The following ERC1 variants were observed in gnomAD, a reference collection of about 807,000 sequenced individuals.
ERC1 encodes the protein ELKS/RAB6-interacting/CAST family member 1, also known as RAB6 interacting protein 2.
ERC1 carries 56 observed loss-of-function variants against 132.0 expected under a neutral mutation model. The observed-to-expected ratio is 0.42, with a 90% CI of 0.34 to 0.53. ERC1 has a LOEUF of 0.53. Among genes scored for constraint, ERC1 ranks in the 20% least tolerant of loss-of-function variants. ERC1 has a pLI of 0.03. For synonymous variants in ERC1, 478 were observed against 476.1 expected (o/e 1.00, Z -0.05); for missense variants, 1,202 against 1,349.9 (o/e 0.89, Z 1.72).
chr12:1,042,506 C>T (rs373423467), intron 2 of ERC1, among the ~76,000 whole-genome samples: 4 of 151,834 alleles, frequency 2.6e-5, no homozygotes, highest in African/African-American at 7.3e-5. Flanking sequence ...CCACTATGCT[C>T]ACCTAATTTT....
intron 1 of ERC1, among the ~76,000 whole-genome samples, chr12:999,915 T>G (rs1430702030): frequency 6.6e-6 from 1 of 152,124 alleles, no homozygotes; most frequent in Non-Finnish European, 1.5e-5. Context: ...TTTTTAAGAT[T>G]CCTTCCAATC....
chr12:1,485,063 G>T (rs111873593), intron 18 of ERC1, among the ~76,000 whole-genome samples: 10 of 144,572 alleles, frequency 6.9e-5, no homozygotes, highest in African/African-American at 2.6e-4. Flanking sequence ...TTTTGTTTTA[G>T]TTTTTTGTAG....
intron 16 of ERC1, chr12:1,380,482 G>T (rs10848469): frequency 0.41 from 61,714 of 152,108 alleles, 13,777 homozygotes; most frequent in African/African-American, 0.59. Flanking sequence ...TCTCCTTGAC[G>T]TGTACTCACA....
intron 13 of ERC1, among the ~76,000 whole-genome samples, chr12:1,255,140 C>T (rs934726524): frequency 6.6e-5 from 10 of 152,080 alleles, no homozygotes; most frequent in African/African-American, 2.4e-4. Context: ...GTTCTCCTCC[C>T]TGTGTCCATG....
At chr12:1,021,044 A>G (rs1966282706) in intron 1 of ERC1, among the ~76,000 whole-genome samples, 6 of 152,028 alleles carry the variant, frequency 3.9e-5, no homozygotes, top group Admixed American at 3.9e-4. Flanking sequence ...GGTTCAAGCG[A>G]TTCTTCTGCC....
Position 1,493,547 on chromosome 12 carries a change from AAATATAT to A in ERC1, c.*3319_*3325del, listed in dbSNP as rs1188331354. 1.7e-5 allele frequency: 1 copy of A among 60,492 alleles called. No individual in the cohort carries two copies. The highest frequency in any genetic ancestry group is 3.2e-5 in the Non-Finnish European group (1 of 30,796). The allele number at this position is 60,492 out of a possible 1,614,324, so 3.7% of individuals were successfully genotyped here. A position where few individuals can be genotyped will look rare whatever the true frequency, so the allele number is the denominator to read the frequency against. ...GACTCCATTTAAAAAAAAAAAAAAA[AAATATAT>A]ATATATATATATATATATATATATG... On this transcript the variant is annotated 3_prime_UTR_variant, in exon 19 of 19. Transcript: ENST00000360905.
chr12:1,369,596 G>T (rs73595982), intron 15 of ERC1, among the ~76,000 whole-genome samples: 3,495 of 152,254 alleles, frequency 0.023, 130 homozygotes, highest in African/African-American at 0.08. Context: ...TGAGCTTCCC[G>T]AAAGGGAACA....
At chr12:1,446,642 C>T (rs2093311508) in intron 18 of ERC1, among the ~76,000 whole-genome samples, 1 of 152,080 alleles carries the variant, frequency 6.6e-6, no homozygotes, top group African/African-American at 2.4e-5. Context: ...ACAGTGAAAA[C>T]CCGCAAGTCA....
chr12:1,486,169 C>T (rs2094211973), intron 18 of ERC1, among the ~76,000 whole-genome samples: 1 of 152,180 alleles, frequency 6.6e-6, no homozygotes, highest in African/African-American at 2.4e-5. Flanking sequence ...ATTTTCTTGA[C>T]TCTTCTCTAT....
intron 1 of ERC1, among the ~76,000 whole-genome samples, chr12:995,117 C>A (rs1410642287): frequency 2.0e-5 from 3 of 150,630 alleles, no homozygotes; most frequent in Non-Finnish European, 4.4e-5. Context: ...AAAAAATTAG[C>A]ATGGCAGTAT....
intron 12 of ERC1, among the ~76,000 whole-genome samples, chr12:1,206,855 G>T (rs1041128515): frequency 1.3e-5 from 2 of 152,026 alleles, no homozygotes; most frequent in African/African-American, 4.8e-5. Context: ...TAGAATATGT[G>T]TGATAGTTCC....
At chr12:1,120,596 T>C (rs187621244) in intron 7 of ERC1, among the ~76,000 whole-genome samples, 107 of 152,314 alleles carry the variant, frequency 7.0e-4, no homozygotes, top group Non-Finnish European at 1.1e-3. Flanking sequence ...GATGCTATAC[T>C]AGGGACCTAC....
intron 15 of ERC1, among the ~76,000 whole-genome samples, chr12:1,369,948 T>C (rs1024659934): frequency 2.0e-5 from 3 of 152,144 alleles, no homozygotes; most frequent in Admixed American, 6.5e-5. Context: ...ATAAAAAATA[T>C]CCATTAGAAT....
intron 13 of ERC1, among the ~76,000 whole-genome samples, chr12:1,254,185 T>C (rs2076644220): frequency 6.6e-6 from 1 of 152,232 alleles, no homozygotes; most frequent in Non-Finnish European, 1.5e-5. Context: ...ATATGAACTA[T>C]TTAAAATGAT....
chr12:1,470,825 G>A (rs567805060), intron 18 of ERC1, among the ~76,000 whole-genome samples: 5 of 152,116 alleles, frequency 3.3e-5, no homozygotes, highest in Non-Finnish European at 7.4e-5. Context: ...GAGTCCATCC[G>A]TCCATCTCTT....
intron 12 of ERC1, among the ~76,000 whole-genome samples, chr12:1,195,249 T>C (rs1454969643): frequency 2.0e-5 from 3 of 152,204 alleles, no homozygotes; most frequent in African/African-American, 4.8e-5. Flanking sequence ...AAGTTCCCTT[T>C]TGCCCCTTTA....
At chr12:1,063,881 T>C (rs965020631) in intron 2 of ERC1, among the ~76,000 whole-genome samples, 3 of 152,236 alleles carry the variant, frequency 2.0e-5, no homozygotes, top group African/African-American at 7.2e-5. Flanking sequence ...CCAGTGAATT[T>C]TATACTTTTA....
chr12:1,372,129 A>C (rs1012230371), intron 16 of ERC1, 152 bp downstream of exon 16: 2 of 962,578 alleles, frequency 2.1e-6, no homozygotes, highest in Non-Finnish European at 3.0e-6. Flanking sequence ...GAGACTTTTT[A>C]TCTCCGCAAA....
rs189871559 is a variant in ERC1, at chr12:1,132,765, G to T, written c.1570-8855G>T. Among the ~76,000 whole-genome samples the T allele has an allele frequency of 4.2e-3, 633 of 152,174 alleles. 6 individuals are homozygous for T. The highest frequency in any genetic ancestry group is 0.041 in the Middle Eastern group (12 of 292). ...AAGAACTGAGAGACAAGAAAATTAG[G>T]CAGTTGAGACTTCAGGTTTGAATGC... On this transcript the variant is annotated intron_variant, in intron 7 of 18. Coordinates refer to ENST00000360905, the MANE Select transcript of ERC1 (RefSeq NM_178040.4).
Sources: allele counts gnomAD v4.1 joint callset (sites outside exome capture counted in the v4.1 genomes callset), GRCh38; gene constraint gnomAD v4.1.1; transcripts MANE v1.5; gene names NCBI Gene and HGNC (gene_info 2026-07-23, HGNC 2026-07-21).